CCDC30: variants seen among roughly 807,000 people sequenced by gnomAD.
CCDC30 encodes coiled-coil domain-containing protein 30.
In CCDC30, 70 loss-of-function variants were observed where a neutral mutation model predicts 100.2. The observed-to-expected ratio is 0.70, with a 90% CI of 0.58 to 0.85. The LOEUF (loss-of-function observed/expected upper bound fraction) is 0.85, where lower values mean the gene tolerates loss of function less well. CCDC30 is among the 40% of genes least tolerant of loss of function. The pLI is 0.00. For missense variants in CCDC30, 652 were observed against 771.2 expected (o/e 0.85, Z 1.83); for synonymous variants, 233 against 269.5 (o/e 0.86, Z 1.33).
At chr1:42,622,282 G>A (rs374808848) in intron 11 of CCDC30, among the ~76,000 whole-genome samples, 55 of 152,016 alleles carry the variant, frequency 3.6e-4, no homozygotes, top group Admixed American at 1.2e-3. Context: ...TCTTTTTTAC[G>A]GCTGAATAGT....
chr1:42,464,729 T>G (rs1237639164), intron 1 of CCDC30, among the ~76,000 whole-genome samples: 2 of 152,266 alleles, frequency 1.3e-5, no homozygotes, highest in Non-Finnish European at 2.9e-5. Context: ...TTGTTGAATC[T>G]TACTATTTCT....
chr1:42,462,108 T>C (rs1643426989), upstream of CCDC30, among the ~76,000 whole-genome samples: 1 of 151,990 alleles, frequency 6.6e-6, no homozygotes, highest in Non-Finnish European at 1.5e-5. Flanking sequence ...CCTGTCTTGT[T>C]AACGCTTAAA....
chr1:42,457,167 C>A, the CCDC30 span: 1 of 1,601,356 alleles, frequency 6.2e-7, no homozygotes, highest in South Asian at 1.1e-5. Context: ...CGGATCTCAG[C>A]TGGGGAACCC....
intron 11 of CCDC30, among the ~76,000 whole-genome samples, chr1:42,624,376 C>T (rs1429091437): frequency 1.3e-5 from 2 of 152,174 alleles, no homozygotes; most frequent in Non-Finnish European, 2.9e-5. Context: ...TAATGTATCA[C>T]ATTGATTGAT....
chr1:42,611,035 G>A (rs1164402025), exon 11 of CCDC30: 1 of 1,613,334 alleles, frequency 6.2e-7, no homozygotes, highest in South Asian at 1.1e-5. Flanking sequence ...GCAAGAGAAG[G>A]AAGCTCTACG....
intron 6 of CCDC30, among the ~76,000 whole-genome samples, chr1:42,548,038 T>C (rs374882782): frequency 2.0e-5 from 3 of 152,220 alleles, no homozygotes; most frequent in Admixed American, 6.5e-5. Flanking sequence ...TCAGGGGAGA[T>C]ATGGCATGTT....
At chr1:42,492,725 G>A (rs2148468640) in intron 4 of CCDC30, among the ~76,000 whole-genome samples, 1 of 152,082 alleles carries the variant, frequency 6.6e-6, no homozygotes, top group East Asian at 1.9e-4. Flanking sequence ...TCAGCTCACT[G>A]CAACCTCTAC....
intron 6 of CCDC30, among the ~76,000 whole-genome samples, chr1:42,551,607 A>G (rs1349011603): frequency 1.3e-5 from 2 of 152,166 alleles, no homozygotes; most frequent in Non-Finnish European, 2.9e-5. Context: ...AATGCAATAC[A>G]TAATATTATT....
intron 6 of CCDC30, chr1:42,500,301 G>T (rs191327294): frequency 6.8e-5 from 110 of 1,610,372 alleles, no homozygotes; most frequent in Non-Finnish European, 9.3e-5. Context: ...TCGACTTATC[G>T]AATTTCTCCA....
Position 42,480,571 on chromosome 1 carries a change from G to A in CCDC30, c.15+5G>A. The A allele has an allele frequency of 3.1e-6, 3 of 981,600 alleles. No individual in the cohort carries two copies. Among genetic ancestry groups the A allele is most frequent in the Non-Finnish European group, 3.6e-6 (3 of 826,582 alleles). The allele number at this position is 981,600 out of a possible 1,614,324, so 60.8% of individuals were successfully genotyped here. ...CCCAAAATGCTGGAATTACAGGTGA[G>A]CCACCACACCCAGGCAAAATGACAT... On this transcript the variant is annotated splice_donor_5th_base_variant and intron_variant, in intron 2 of 16. Transcript: ENST00000668663.
At chr1:42,467,084 A>T (rs1027082986) in intron 1 of CCDC30, among the ~76,000 whole-genome samples, 2 of 152,248 alleles carry the variant, frequency 1.3e-5, no homozygotes, top group African/African-American at 4.8e-5. Flanking sequence ...GCAGCATGAT[A>T]GGGACCAATA....
At chr1:42,554,833 T>A (rs1645335516) in intron 6 of CCDC30, among the ~76,000 whole-genome samples, 1 of 152,096 alleles carries the variant, frequency 6.6e-6, no homozygotes, top group South Asian at 2.1e-4. Flanking sequence ...TAGGCTTCTG[T>A]CTAGGATGAT....
chr1:42,558,356 G>A (rs1324690785), intron 6 of CCDC30: 1 of 153,870 alleles, frequency 6.5e-6, no homozygotes, highest in African/African-American at 2.4e-5. Context: ...AGGTAGAATG[G>A]TGATCAAGGC....
chr1:42,640,940 C>T (rs1394947603), intron 12 of CCDC30, among the ~76,000 whole-genome samples: 1 of 151,710 alleles, frequency 6.6e-6, no homozygotes, highest in Non-Finnish European at 1.5e-5. Context: ...TTCTGAATGA[C>T]CTACATTAGT....
intron 6 of CCDC30, chr1:42,556,371 G>T: frequency 6.2e-7 from 1 of 1,613,928 alleles, no homozygotes; most frequent in African/African-American, 1.3e-5. Context: ...CAGTCTCAGA[G>T]CTCTGGGGAT....
chr1:42,634,124 T>C (rs1382154304), intron 11 of CCDC30, among the ~76,000 whole-genome samples: 3 of 151,964 alleles, frequency 2.0e-5, no homozygotes, highest in Admixed American at 6.6e-5. Context: ...CAAGATAAGA[T>C]TTCGGTGAGG....
At chr1:42,647,624 C>T (rs1017132762) in intron 15 of CCDC30, among the ~76,000 whole-genome samples, 2 of 152,188 alleles carry the variant, frequency 1.3e-5, no homozygotes, top group African/African-American at 4.8e-5. Context: ...TTGCAGAATA[C>T]ACATTCTTTT....
At chr1:42,642,580 C>T (rs1304987032) in exon 13 of CCDC30, 1 of 1,600,666 alleles carries the variant, frequency 6.2e-7, no homozygotes, top group South Asian at 1.1e-5. Context: ...TCCACAGCAA[C>T]AAATGGACGA....
intron 12 of CCDC30, among the ~76,000 whole-genome samples, chr1:42,638,769 A>G (rs1056905279): frequency 6.6e-6 from 1 of 152,034 alleles, no homozygotes; most frequent in Non-Finnish European, 1.5e-5. Context: ...CCAGCTACTC[A>G]GGAGACTGAG....
Sources: gnomAD v4.1 joint callset for allele counts (sites outside exome capture counted in the v4.1 genomes callset) on GRCh38, gnomAD v4.1.1 for gene constraint, MANE v1.5 for transcripts, NCBI Gene and HGNC (gene_info 2026-07-23, HGNC 2026-07-21) for gene names.